BICD1: variants seen among roughly 807,000 people sequenced by gnomAD.
The protein encoded by BICD1 is BICD cargo adaptor 1.
Under a neutral mutation model 92.5 loss-of-function variants are expected in BICD1, and 35 were observed. That is an observed-to-expected ratio of 0.38 (90% CI 0.29 to 0.50). BICD1 has a LOEUF of 0.50. BICD1 is among the 20% of genes least tolerant of loss of function. BICD1 has a pLI of 0.93. For missense variants in BICD1, 950 were observed against 1,189.8 expected, an observed-to-expected ratio of 0.80 and a Z score of 2.97; for synonymous variants, 429 against 465.1, an observed-to-expected ratio of 0.92 and a Z score of 1.00.
Position 32,219,390 on chromosome 12 carries a change from G to A in BICD1, c.426+2931G>A, listed in dbSNP as rs187117903. Among the ~76,000 whole-genome samples, 361 of 152,222 alleles carry A rather than the reference G, an allele frequency of 2.4e-3. 1 individual carries two copies. The highest frequency in any genetic ancestry group is 3.7e-3 in the Non-Finnish European group (251 of 67,992). ...TATGGTGGAAAATGGAAAAATTGCT[G>A]AATTAGGTATTAGAAAATCAATATT... On this transcript the variant is annotated intron_variant, in intron 2 of 9. Transcript: ENST00000652176.
At position 32,337,505 on chromosome 12, in the gene BICD1, T is replaced by C. The variant is rs199504080; in HGVS notation, c.2259T>C (p.Asp753=). ...SLRAMFATRC[D]EYVTQLDEMQ... ...TTCTCTGTTTTGGTTCCAGATGTGA[T>C]GAATATGTCACCCAGTTGGATGAGA... The change falls in exon 7 of 10, where the codon GAT becomes GAC. Residue 753 remains aspartate (D), a synonymous_variant. Transcript: ENST00000652176. This position sits in a 1 kb window ranked among gnomAD's most constrained non-coding sequence, Gnocchi z 4.7. 1 of 1,606,918 alleles carries C rather than the reference T, an allele frequency of 6.2e-7. No homozygotes were observed. The highest frequency in any genetic ancestry group is 8.5e-7 in the Non-Finnish European group (1 of 1,173,890).
intron 1 of BICD1, among the ~76,000 whole-genome samples, chr12:32,118,290 C>A (rs1565527171): frequency 6.7e-6 from 1 of 148,762 alleles, no homozygotes; most frequent in Non-Finnish European, 1.5e-5. Context: ...ACCGTGTTAG[C>A]CAGGATGGTC....
chr12:32,158,271 G>A (rs1371353856), intron 1 of BICD1, among the ~76,000 whole-genome samples: 1 of 151,650 alleles, frequency 6.6e-6, no homozygotes, highest in Non-Finnish European at 1.5e-5. Flanking sequence ...ATGCCCGGCT[G>A]ATTTTTGTAC....
chr12:32,327,836 A>G lies in BICD1; in HGVS notation c.1381A>G (p.Met461Val), dbSNP rs2136260729. The G allele has an allele frequency of 6.2e-7, 1 of 1,614,096 alleles. No homozygotes were observed. Among genetic ancestry groups the G allele is most frequent in the Admixed American group, 1.7e-5 (1 of 60,012 alleles). ...GGCCAAGTATGAGAGTAAAATCCAGATGTATGATGAGCAGGTGACAAGCCT... is the reference window on the plus strand; with the variant it reads ...GGCCAAGTATGAGAGTAAAATCCAGGTGTATGATGAGCAGGTGACAAGCCT... ...EKAKYESKIQ[M>V]YDEQVTSLEK... Residue 461 changes from methionine (M) to valine (V), a missense_variant, in exon 5 of 10, where the codon ATG becomes GTG. Transcript: ENST00000652176.
At chr12:32,335,154 A>ATTTT (rs11326277) in intron 6 of BICD1, among the ~76,000 whole-genome samples, 62 of 147,582 alleles carry the variant, frequency 4.2e-4, no homozygotes, top group African/African-American at 1.4e-3. Flanking sequence ...ATTACTTATA[A>ATTTT]TTTTTTTTTT....
rs763768060 is a variant in BICD1, at chr12:32,334,507, C to A, written c.2101-9C>A. The A allele has an allele frequency of 6.3e-7, 1 of 1,595,404 alleles. No individual in the cohort carries two copies. The highest frequency in any genetic ancestry group is 8.5e-7 in the Non-Finnish European group (1 of 1,171,662). Reference sequence around the variant, plus strand: ...TGAAAATTGTAAGCAGTGTGATTTTCTGCTTTAGACAGCTGAGGTGGCGCT... The same window carrying A: ...TGAAAATTGTAAGCAGTGTGATTTTATGCTTTAGACAGCTGAGGTGGCGCT... On this transcript the variant is annotated splice_polypyrimidine_tract_variant and intron_variant, in intron 5 of 9. Coordinates refer to ENST00000652176, the MANE Select transcript of BICD1 (RefSeq NM_001714.4).
chr12:32,116,510 C>CTATA (rs370907481), intron 1 of BICD1, among the ~76,000 whole-genome samples: 3,490 of 103,262 alleles, frequency 0.034, 64 homozygotes, highest in Non-Finnish European at 0.05. Flanking sequence ...CTCTCTCTCT[C>CTATA]TATATATATA....
intron 9 of BICD1, among the ~76,000 whole-genome samples, chr12:32,370,403 A>C (rs558715380): frequency 2.0e-5 from 3 of 152,114 alleles, no homozygotes; most frequent in Non-Finnish European, 4.4e-5. Flanking sequence ...TATCTCAATT[A>C]TATAAGTAAC....
At chr12:32,247,954 G>A (rs563957172) in intron 2 of BICD1, among the ~76,000 whole-genome samples, 5 of 151,514 alleles carry the variant, frequency 3.3e-5, no homozygotes, top group South Asian at 2.1e-4. Flanking sequence ...GTGGTGGTGC[G>A]CACCTGTAAT....
rs559983199 is a variant in BICD1, at chr12:32,242,314, T to G, written c.426+25855T>G. Among the ~76,000 whole-genome samples the G allele has an allele frequency of 2.0e-5, 3 of 146,510 alleles. No homozygotes were observed. The East Asian group carries it at 6.1e-4, about 30-fold the overall frequency. On this transcript the variant is annotated intron_variant, in intron 2 of 9. Coordinates refer to ENST00000652176, the MANE Select transcript of BICD1 (RefSeq NM_001714.4). ...GCCAAGGCAGGTGGATCGCTTGAGG[T>G]CAGGAGTTCGAGACCAGCCTGGTCA...
At chr12:32,299,399 G>A (rs527698131) in intron 3 of BICD1, among the ~76,000 whole-genome samples, 4 of 152,112 alleles carry the variant, frequency 2.6e-5, no homozygotes, top group Admixed American at 6.5e-5. Flanking sequence ...TTGCCTCAGT[G>A]GGCACCAAAG....
intron 5 of BICD1, among the ~76,000 whole-genome samples, chr12:32,329,833 T>G (rs1263185365): frequency 6.6e-6 from 1 of 152,100 alleles, no homozygotes; most frequent in East Asian, 1.9e-4. Context: ...TTGGTGGGAG[T>G]GCTGCGAAAT....
intron 2 of BICD1, among the ~76,000 whole-genome samples, chr12:32,254,042 CCTGCCGTATTCACTGCCGAATCCCA>C (rs1946648917): frequency 1.5e-5 from 1 of 65,118 alleles, no homozygotes; most frequent in African/African-American, 4.7e-5. Flanking sequence ...CCATATCCCA[CCTGCCGTATTCACTGCCGAATCCCA>C]CCTGCCATAA....
rs1940138938 is a variant in BICD1 at position 32,380,421 on chromosome 12, T to C, written c.*2794T>C. ...GGAAAAATAAACAGCAGAAATGCAC[T>C]AAAAAATACTGGCTAATTATTGCAA... is the stretch of plus-strand genomic sequence containing the variant. On this transcript the variant is annotated 3_prime_UTR_variant, in exon 10 of 10. Coordinates refer to ENST00000652176, the MANE Select transcript of BICD1 (RefSeq NM_001714.4). The C allele has an allele frequency of 6.6e-6, 1 of 152,162 alleles. No homozygotes were observed. The highest frequency in any genetic ancestry group is 1.5e-5 in the Non-Finnish European group (1 of 68,002). The allele number at this position is 152,162 out of a possible 1,614,324, so 9.4% of individuals were successfully genotyped here.
intron 5 of BICD1, among the ~76,000 whole-genome samples, chr12:32,329,711 T>C (rs1937752296): frequency 6.6e-6 from 1 of 152,184 alleles, no homozygotes; most frequent in African/African-American, 2.4e-5. Flanking sequence ...ATAGGGAGCT[T>C]TTCCTAGCTA....
intron 1 of BICD1, among the ~76,000 whole-genome samples, chr12:32,121,057 C>G (rs1324269393): frequency 6.6e-6 from 1 of 151,492 alleles, no homozygotes; most frequent in Non-Finnish European, 1.5e-5. Flanking sequence ...CAGCCACCGC[C>G]TCCTGGGTTC....
At position 32,234,606 on chromosome 12, in the gene BICD1, A is replaced by AAAAG. The variant is rs533023539; in HGVS notation, c.426+18171_426+18174dup. Among the ~76,000 whole-genome samples the AAAAG allele has an allele frequency of 6.7e-3, 980 of 146,716 alleles. 8 individuals are homozygous for AAAAG. The highest frequency in any genetic ancestry group is 0.018 in the Middle Eastern group (5 of 280). ...AGCAAAACTCCGTCTCAAAAAAAAA[A>AAAAG]AAAGAAAGAAAGAAAGAAAGAAAGA... On this transcript the variant is annotated intron_variant, in intron 2 of 9. Transcript: ENST00000652176.
chr12:32,296,262 T>G (rs1050896157), intron 3 of BICD1, among the ~76,000 whole-genome samples: 22 of 145,464 alleles, frequency 1.5e-4, no homozygotes, highest in Middle Eastern at 3.4e-3. Context: ...TTTTGTTTTT[T>G]TTTTTTTTTT....
intron 8 of BICD1, among the ~76,000 whole-genome samples, chr12:32,356,846 G>T (rs1014549691): frequency 6.6e-6 from 1 of 152,064 alleles, no homozygotes; most frequent in African/African-American, 2.4e-5. Context: ...CTATCTCCAC[G>T]TCAGTGCACA....
Sources: allele counts gnomAD v4.1 joint callset (sites outside exome capture counted in the v4.1 genomes callset), GRCh38; gene constraint gnomAD v4.1.1; non-coding constraint Gnocchi (gnomAD v3.1); transcripts MANE v1.5; gene names NCBI Gene and HGNC (gene_info 2026-07-23, HGNC 2026-07-21).